The following OPHN1 variants were observed in gnomAD, a reference collection of about 807,000 sequenced individuals.
The protein encoded by OPHN1 is oligophrenin-1.
Under a neutral mutation model 60.7 loss-of-function variants are expected in OPHN1, and 11 were observed. The observed-to-expected ratio is 0.18, with a 90% CI of 0.11 to 0.30. The LOEUF (loss-of-function observed/expected upper bound fraction) is 0.30, where lower values mean the gene tolerates loss of function less well. OPHN1 is among the 10% of genes least tolerant of loss of function. OPHN1 has a pLI of 1.00. For missense variants in OPHN1, 449 were observed against 611.0 expected (o/e 0.73, Z 2.80); for synonymous variants, 226 against 222.6 (o/e 1.02, Z -0.14).
chrX:68,202,406 A>T (rs773536612), intron 10 of OPHN1, among the ~76,000 whole-genome samples: 1 of 111,864 alleles, frequency 8.9e-6, no homozygotes, highest in Non-Finnish European at 1.9e-5. Flanking sequence ...TTCTAGTCTC[A>T]CCTTGTTCAG....
At chrX:68,361,911 T>G (rs1387524940) in intron 2 of OPHN1, among the ~76,000 whole-genome samples, 1 of 112,363 alleles carries the variant, frequency 8.9e-6, no homozygotes, top group Admixed American at 9.5e-5. Flanking sequence ...ATAGTGATTA[T>G]AACAGGTAGG....
intron 21 of OPHN1, among the ~76,000 whole-genome samples, chrX:68,063,580 A>T (rs773187141): frequency 1.1e-4 from 12 of 111,538 alleles, no homozygotes; most frequent in Non-Finnish European, 1.9e-4. Context: ...GATTGTGAGG[A>T]TAAGAAATAG....
At chrX:68,101,562 T>G (rs1235438449) in intron 18 of OPHN1, among the ~76,000 whole-genome samples, 1 of 112,015 alleles carries the variant, frequency 8.9e-6, no homozygotes, top group Non-Finnish European at 1.9e-5. Context: ...ACTCTAGGGG[T>G]GATTAATGAG....
intron 2 of OPHN1, among the ~76,000 whole-genome samples, chrX:68,350,130 C>G (rs756197387): frequency 2.3e-4 from 26 of 111,372 alleles, no homozygotes; most frequent in Non-Finnish European, 4.3e-4. Context: ...ATGTTCCTAG[C>G]ATTAAGAAAG....
At chrX:68,209,497 A>G (rs2077574694) in intron 9 of OPHN1, among the ~76,000 whole-genome samples, 1 of 111,684 alleles carries the variant, frequency 9.0e-6, no homozygotes, top group Non-Finnish European at 1.9e-5. Context: ...GCCCAGGAGT[A>G]TGAGGCTGTA....
intron 2 of OPHN1, among the ~76,000 whole-genome samples, chrX:68,372,414 A>G (rs1337765354): frequency 9.0e-6 from 1 of 111,480 alleles, no homozygotes; most frequent in African/African-American, 3.3e-5. Flanking sequence ...AAATGTTGTT[A>G]TATATTTTAC....
At chrX:68,259,878 C>T (rs1172434738) in intron 5 of OPHN1, among the ~76,000 whole-genome samples, 1 of 111,594 alleles carries the variant, frequency 9.0e-6, no homozygotes, top group Non-Finnish European at 1.9e-5. Context: ...GAAGAAGGTC[C>T]ATATATGAGG....
chrX:68,209,165 T>C lies in OPHN1; in HGVS notation c.832+988A>G, dbSNP rs2077573095. Among the ~76,000 whole-genome samples the C allele has an allele frequency of 2.7e-5, 3 of 111,823 alleles. No homozygotes were observed. The South Asian group carries it at 1.1e-3, about 42-fold the overall frequency. On this transcript the variant is annotated intron_variant, in intron 9 of 24. Coordinates refer to ENST00000355520, the MANE Select transcript of OPHN1 (RefSeq NM_002547.3). The stretch of plus-strand genomic sequence containing the variant: ...AACTGAATAACAGGTTTGGGGAGTA[T>C]TGGGTCATAGTTCAAAGGGCAAATA...
intron 5 of OPHN1, 47 bp from the exon 6 acceptor site, chrX:68,234,635 CTCTG>C (rs774143992): frequency 7.5e-6 from 7 of 935,276 alleles, no homozygotes; most frequent in Non-Finnish European, 1.1e-5. Flanking sequence ...GTAGTTGTAA[CTCTG>C]TCTGCTTAGA....
intron 20 of OPHN1, among the ~76,000 whole-genome samples, chrX:68,066,025 CA>C (rs1488498124): frequency 8.9e-6 from 1 of 112,083 alleles, no homozygotes; most frequent in Non-Finnish European, 1.9e-5. Context: ...TGCAACCAGA[CA>C]GAGGCCATCA....
intron 5 of OPHN1, among the ~76,000 whole-genome samples, chrX:68,259,545 G>A: frequency 8.9e-6 from 1 of 111,775 alleles, no homozygotes; most frequent in East Asian, 2.8e-4. Flanking sequence ...ATGAAAATCA[G>A]TAGTAGCAAA....
chrX:68,122,376 C>G (rs1386817385), intron 15 of OPHN1, among the ~76,000 whole-genome samples: 1 of 110,921 alleles, frequency 9.0e-6, no homozygotes, highest in Non-Finnish European at 1.9e-5. Context: ...CCAAGAAGGA[C>G]AAGTACAAAC....
chrX:68,388,825 T>C (rs931330678), intron 2 of OPHN1, among the ~76,000 whole-genome samples: 15 of 111,241 alleles, frequency 1.3e-4, no homozygotes, highest in African/African-American at 4.2e-4. Flanking sequence ...GAATTTTCCA[T>C]ATCAAAAATA....
At chrX:68,373,067 A>G (rs2078537667) in intron 2 of OPHN1, among the ~76,000 whole-genome samples, 2 of 112,115 alleles carry the variant, frequency 1.8e-5, no homozygotes, top group African/African-American at 6.5e-5. Flanking sequence ...CTCCCAGACC[A>G]AGACCTACCA....
chrX:68,150,068 C>T (rs369837995), intron 15 of OPHN1, among the ~76,000 whole-genome samples: 2 of 111,604 alleles, frequency 1.8e-5, no homozygotes, highest in East Asian at 2.8e-4. Context: ...ATATTACACA[C>T]CACACAGAAT....
intron 15 of OPHN1, among the ~76,000 whole-genome samples, chrX:68,136,788 G>A (rs1480822993): frequency 8.9e-6 from 1 of 111,827 alleles, no homozygotes. Context: ...TAGTATCAGT[G>A]GTATGTTTCT....
At chrX:68,375,026 A>T (rs1180004683) in intron 2 of OPHN1, among the ~76,000 whole-genome samples, 5 of 112,336 alleles carry the variant, frequency 4.5e-5, no homozygotes, top group African/African-American at 1.6e-4. Context: ...TGGGAATATA[A>T]ATTGTCACAG....
At chrX:68,306,526 C>T (rs1167683935) in intron 2 of OPHN1, among the ~76,000 whole-genome samples, 1 of 112,103 alleles carries the variant, frequency 8.9e-6, no homozygotes, top group Admixed American at 9.5e-5. Context: ...AAGGAAAATA[C>T]ATGAGCTGCT....
chrX:68,140,007 A>G, intron 15 of OPHN1, among the ~76,000 whole-genome samples: 1 of 112,726 alleles, frequency 8.9e-6, no homozygotes, highest in Non-Finnish European at 1.9e-5. Context: ...CTGAGTAAAG[A>G]GGGAAACTAA....
Sources: gnomAD v4.1 joint callset for allele counts (sites outside exome capture counted in the v4.1 genomes callset) on GRCh38, gnomAD v4.1.1 for gene constraint, MANE v1.5 for transcripts, NCBI Gene and HGNC (gene_info 2026-07-23, HGNC 2026-07-21) for gene names.